The following MUC5AC variants were observed in gnomAD, a reference collection of about 807,000 sequenced individuals.
MUC5AC encodes mucin-5AC.
In MUC5AC, 158 loss-of-function variants were observed where a neutral mutation model predicts 169.7. That is an observed-to-expected ratio of 0.93 (90% CI 0.82 to 1.06). The LOEUF (loss-of-function observed/expected upper bound fraction) is 1.06. Among genes scored for constraint, MUC5AC ranks in the 50% least tolerant of loss-of-function variants. The pLI, the probability that MUC5AC is intolerant of heterozygous loss-of-function variation, is 0.00. For missense variants in MUC5AC, 4,359 were observed against 3,089.9 expected, an observed-to-expected ratio of 1.41 and a Z score of -9.74; for synonymous variants, 1,975 against 1,237.0, an observed-to-expected ratio of 1.60 and a Z score of -12.52.
chr11:1,160,594 C>T lies in MUC5AC; in HGVS notation c.74-18C>T. The T allele has an allele frequency of 6.2e-7, 1 of 1,601,168 alleles. No homozygotes were observed. The highest frequency in any genetic ancestry group is 8.5e-7 in the Non-Finnish European group (1 of 1,177,036). ...AGCCACCCTGCATCTGGGCTCAGCCCCCCTCCTCTTTCTGCAGGCCATGCC... is the reference window on the plus strand; with the variant it reads ...AGCCACCCTGCATCTGGGCTCAGCCTCCCTCCTCTTTCTGCAGGCCATGCC... On this transcript the variant is annotated intron_variant, in intron 1 of 48. Coordinates refer to ENST00000621226, the MANE Select transcript of MUC5AC (RefSeq NM_001304359.2).
In MUC5AC at chr11:1,193,516, C is replaced by T; in HGVS notation, c.14612C>T (p.Ser4871Phe). ...GAGACCTGGGCCACACCCAACTGCT[C>T]CGAGGCCACCTGTGAGGGCAACAAC... ...KGETWATPNC[S>F]EATCEGNNVI... is the part of the protein sequence containing the mutation. Residue 4871 changes from serine to phenylalanine, a missense_variant, in exon 33 of 49, where the codon TCC (serine) becomes TTC (phenylalanine). Transcript: ENST00000621226. 1 of 754,934 alleles carries T rather than the reference C, an allele frequency of 1.3e-6. No individual in the cohort carries two copies. Among genetic ancestry groups the T allele is most frequent in the Non-Finnish European group, 2.4e-6 (1 of 413,418 alleles). 46.8% of individuals were successfully genotyped at this position (754,934 alleles called of 1,614,324 possible). A position where few individuals can be genotyped will look rare whatever the true frequency, so the allele number is the denominator to read the frequency against.
At position 1,200,746 on chromosome 11, in the gene MUC5AC, T is replaced by A. The variant is rs1861408490; in HGVS notation, c.*44T>A. The A allele has an allele frequency of 1.5e-6, 1 of 683,066 alleles. No individual in the cohort carries two copies. The highest frequency in any genetic ancestry group is 2.1e-5 in the Admixed American group (1 of 47,976). The allele number at this position is 683,066 out of a possible 1,614,324, so 42.3% of individuals were successfully genotyped here. ...TGACCTCCAAGGAGAACCTCCCATA[T>A]GTCCTCTGAGCTCGGCTTCCAAGGC... On this transcript the variant is annotated 3_prime_UTR_variant, in exon 49 of 49. Coordinates refer to ENST00000621226, the MANE Select transcript of MUC5AC (RefSeq NM_001304359.2).
intron 15 of MUC5AC, among the ~76,000 whole-genome samples, chr11:1,171,439 A>C (rs1260701404): frequency 1.9e-5 from 2 of 107,462 alleles, no homozygotes; most frequent in Non-Finnish European, 1.9e-5. Context: ...CAACTTACTC[A>C]CCCACTCACC....
chr11:1,181,306 C>T lies in MUC5AC; in HGVS notation c.3856C>T (p.Pro1286Ser). The change falls in exon 30 of 49, where the codon CCA becomes TCA. Residue 1286 changes from proline (P) to serine (S), a missense_variant. By Grantham distance (74) the Pro-to-Ser change is moderately conservative. Transcript: ENST00000621226. ...VCTYNGQRFH[P>S]GDVIYHTTDG... is the part of the protein sequence containing the mutation. Reference sequence around the variant, plus strand: ...CACCTACAATGGACAGCGCTTCCACCCAGGGGACGTCATCTACCACACGAC... The same window carrying T: ...CACCTACAATGGACAGCGCTTCCACTCAGGGGACGTCATCTACCACACGAC... 1 of 398,586 alleles carries T rather than the reference C, an allele frequency of 2.5e-6. No homozygotes were observed. The highest frequency in any genetic ancestry group is 1.3e-4 in the South Asian group (1 of 7,862). 24.7% of individuals were successfully genotyped at this position (398,586 alleles called of 1,614,324 possible).
Position 1,191,913 on chromosome 11 carries a change from G to A in MUC5AC, c.13768G>A (p.Gly4590Arg). Residue 4590 changes from glycine to arginine, a missense_variant, in exon 31 of 49, where the codon GGA (glycine) becomes AGA (arginine). Coordinates refer to ENST00000621226, the MANE Select transcript of MUC5AC (RefSeq NM_001304359.2). ...TACAACCAGCACGACCTCTGGTCCT[G>A]GAACTACTCCCAGCCCCGTTCCCAC... ...APTTSTTSGPGTTPSPVPTTS... is the reference protein window; with the variant it reads ...APTTSTTSGPRTTPSPVPTTS... The A allele has an allele frequency of 1.3e-6, 1 of 764,902 alleles. No homozygotes were observed. Among genetic ancestry groups the A allele is most frequent in the Non-Finnish European group, 2.4e-6 (1 of 417,748 alleles). 47.4% of individuals were successfully genotyped at this position (764,902 alleles called of 1,614,324 possible).
At position 1,194,654 on chromosome 11, in the gene MUC5AC, C is replaced by T; in HGVS notation, c.15174C>T (p.Asn5058=). ...VEVPFSKFAN[N]TEGQCGTCTN... ...TGCCCTTCAGCAAGTTTGCCAACAA[C>T]ACCGAGGGCCAGTGCGGTGAGGCCA... Residue 5058 remains asparagine, a synonymous_variant, in exon 35 of 49, where the codon AAC becomes AAT. Transcript: ENST00000621226. 4 of 761,658 alleles carry T rather than the reference C, an allele frequency of 5.3e-6. No homozygotes were observed. The highest frequency in any genetic ancestry group is 2.4e-5 in the East Asian group (1 of 41,188). 47.2% of individuals were successfully genotyped at this position (761,658 alleles called of 1,614,324 possible).
chr11:1,178,505 G>A lies in MUC5AC; in HGVS notation c.3149G>A (p.Arg1050Gln), dbSNP rs1020319640. 2.9e-5 allele frequency: 34 copies of A among 1,185,410 alleles called. No homozygotes were observed. In the African/African-American group the frequency reaches 3.8e-4, roughly 13 times the overall value. The allele number at this position is 1,185,410 out of a possible 1,614,324, so 73.4% of individuals were successfully genotyped here. A position where few individuals can be genotyped will look rare whatever the true frequency, so the allele number is the denominator to read the frequency against. The change falls in exon 25 of 49, where the codon CGG (arginine) becomes CAG (glutamine). Residue 1050 changes from arginine (R) to glutamine (Q), a missense_variant. By Grantham distance (43) the Arg-to-Gln change is conservative. Transcript: ENST00000621226. ...DDIAVNDFAT[R>Q]SRSVVGDVLE... ...ATCGCCGTTAATGACTTTGCCACGC[G>A]GAGCCGGTCTGTGGTGGGGGACGTG...
chr11:1,197,943 T>A lies in MUC5AC; in HGVS notation c.16074T>A (p.Pro5358=), dbSNP rs755677354. 8 of 737,126 alleles carry A rather than the reference T, an allele frequency of 1.1e-5. No individual in the cohort carries two copies. The highest frequency in any genetic ancestry group is 2.0e-5 in the Non-Finnish European group (8 of 405,858). 45.7% of individuals were successfully genotyped at this position (737,126 alleles called of 1,614,324 possible). ...TSRCPAPVGC[P]EGARAIPTYQ... ...GCTGCCCCGCGCCCGTGGGCTGTCC[T>A]GAGGGCGCCCGCGCGATCCCGACCT... is the stretch of plus-strand genomic sequence containing the variant. The change falls in exon 42 of 49, where the codon CCT becomes CCA. Residue 5358 remains proline (P), a synonymous_variant. Transcript: ENST00000621226.
rs1312015222 is a variant in MUC5AC, at chr11:1,182,682, C to T, written c.4537C>T (p.Pro1513Ser). 1.0e-5 allele frequency: 4 copies of T among 398,922 alleles called. No homozygotes were observed. The highest frequency in any genetic ancestry group is 2.1e-5 in the African/African-American group (1 of 48,754). The allele number at this position is 398,922 out of a possible 1,614,324, so 24.7% of individuals were successfully genotyped here. ...ASGSSAPSST[P>S]GTVSLSTART... ...AGGCTCCTCAGCTCCCAGCAGCACA[C>T]CTGGCACCGTGTCTCTCTCTACAGC... is the stretch of plus-strand genomic sequence containing the variant. Residue 1513 changes from proline to serine, a missense_variant, in exon 31 of 49, where the codon CCT becomes TCT. Coordinates refer to ENST00000621226, the MANE Select transcript of MUC5AC (RefSeq NM_001304359.2).
chr11:1,158,769 G>T (rs997668042), intron 1 of MUC5AC, among the ~76,000 whole-genome samples: 1 of 152,128 alleles, frequency 6.6e-6, no homozygotes, highest in Non-Finnish European at 1.5e-5. Flanking sequence ...GTGCTCCTGG[G>T]CTCCTGGAAC....
rs1860007044 is a variant in MUC5AC, at chr11:1,157,968, G to A, written c.-32G>A. 6.4e-7 allele frequency: 1 copy of A among 1,566,402 alleles called. No homozygotes were observed. The highest frequency in any genetic ancestry group is 1.9e-5 in the Admixed American group (1 of 53,480). On this transcript the variant is annotated 5_prime_UTR_variant, in exon 1 of 49. Coordinates refer to ENST00000621226, the MANE Select transcript of MUC5AC (RefSeq NM_001304359.2). ...TGGGTCCCTCCTCAGAGGCTGCTGA[G>A]GGACAGGGCACTCTTCCCCGCCGTC...
At position 1,189,162 on chromosome 11, in the gene MUC5AC, A is replaced by G; in HGVS notation, c.11017A>G (p.Thr3673Ala). Reference sequence around the variant, plus strand: ...AACCTCCACTACACAGACCAGCACAACCTCTGCCCCTACAACTAGCACAAC... The same window carrying G: ...AACCTCCACTACACAGACCAGCACAGCCTCTGCCCCTACAACTAGCACAAC... The part of the protein sequence containing the change: ...SITSTTQTST[T>A]SAPTTSTTPA... Residue 3673 changes from threonine (T) to alanine (A), a missense_variant, in exon 31 of 49, where the codon ACC becomes GCC. Transcript: ENST00000621226. 2 of 595,418 alleles carry G rather than the reference A, an allele frequency of 3.4e-6. No homozygotes were observed. Among genetic ancestry groups the G allele is most frequent in the Non-Finnish European group, 3.0e-6 (1 of 334,218 alleles). 36.9% of individuals were successfully genotyped at this position (595,418 alleles called of 1,614,324 possible). A position where few individuals can be genotyped will look rare whatever the true frequency, so the allele number is the denominator to read the frequency against.
rs1018938789 is a variant in MUC5AC at position 1,174,527 on chromosome 11, G to A, written c.1997G>A (p.Arg666Gln). 118 of 1,563,214 alleles carry A rather than the reference G, an allele frequency of 7.5e-5. No homozygotes were observed. Among genetic ancestry groups the A allele is most frequent in the Non-Finnish European group, 9.2e-5 (106 of 1,156,386 alleles). ...ATGTTTGACACCTGCAACTGTGAGC[G>A]GAGCGAGGACTGCCTGTGCGCCGCG... is the stretch of plus-strand genomic sequence containing the variant. ...NCMFDTCNCE[R>Q]SEDCLCAALS... Residue 666 changes from arginine (R) to glutamine (Q), a missense_variant, in exon 17 of 49, where the codon CGG (arginine) becomes CAG (glutamine). Coordinates refer to ENST00000621226, the MANE Select transcript of MUC5AC (RefSeq NM_001304359.2).
chr11:1,180,318 C>A (rs958157465), intron 27 of MUC5AC, 36 bp from the exon 28 acceptor site: 2 of 398,564 alleles, frequency 5.0e-6, no homozygotes, highest in African/African-American at 2.1e-5. Context: ...GGACGACACT[C>A]GGTCTGGTTG....
At chr11:1,197,419 C>G (rs1861304296) in intron 40 of MUC5AC, 49 bp from the exon 41 acceptor site, 1 of 695,990 alleles carries the variant, frequency 1.4e-6, no homozygotes, top group Non-Finnish European at 2.6e-6. Flanking sequence ...CTGCTGCACC[C>G]CTGGGTGGAG....
At chr11:1,167,761 A>G in intron 11 of MUC5AC, 116 bp from the exon 12 acceptor site, 2 of 834,136 alleles carry the variant, frequency 2.4e-6, no homozygotes, top group Non-Finnish European at 3.9e-6. Flanking sequence ...GGGGACTGGG[A>G]TGGTGGAGTG....
rs1420855809 is a variant in MUC5AC, at chr11:1,168,113, C to T, written c.1497+126C>T. The T allele has an allele frequency of 3.9e-5, 31 of 804,870 alleles. 1 individual carries two copies. In the South Asian group the frequency reaches 4.7e-4, roughly 12 times the overall value. The allele number at this position is 804,870 out of a possible 1,614,324, so 49.9% of individuals were successfully genotyped here. ...GAGAGGCGGGGACCCTCTGGCAACACTGGCTGTGTCCATTACTTATGGGTC... is the reference window on the plus strand; with the variant it reads ...GAGAGGCGGGGACCCTCTGGCAACATTGGCTGTGTCCATTACTTATGGGTC... On this transcript the variant is annotated intron_variant, in intron 12 of 48. Coordinates refer to ENST00000621226, the MANE Select transcript of MUC5AC (RefSeq NM_001304359.2).
intron 26 of MUC5AC, among the ~76,000 whole-genome samples, chr11:1,179,493 C>G (rs1162629538): frequency 6.8e-6 from 1 of 146,966 alleles, no homozygotes; most frequent in Non-Finnish European, 1.5e-5. Flanking sequence ...ACAGAGGGGT[C>G]GCTGGCATGG....
In MUC5AC at chr11:1,194,876, G is replaced by A. The variant is rs1258760878; in HGVS notation, c.15191-136G>A. On this transcript the variant is annotated intron_variant, in intron 35 of 48. Transcript: ENST00000621226. ...GACTGTCCCAGGGTTGTTCTCGGGG[G>A]ACAGTGAGGCACAGGCAGGGCCCGC... 56 of 618,452 alleles carry A rather than the reference G, an allele frequency of 9.1e-5. 2 individuals are homozygous for A. In the South Asian group the frequency reaches 9.3e-4, roughly 10 times the overall value. 38.3% of individuals were successfully genotyped at this position (618,452 alleles called of 1,614,324 possible). A position where few individuals can be genotyped will look rare whatever the true frequency, so the allele number is the denominator to read the frequency against.
Sources: allele counts gnomAD v4.1 joint callset (sites outside exome capture counted in the v4.1 genomes callset), GRCh38; gene constraint gnomAD v4.1.1; transcripts MANE v1.5; gene names NCBI Gene and HGNC (gene_info 2026-07-23, HGNC 2026-07-21).